The following GPC6 variants were observed in gnomAD, a reference collection of about 807,000 sequenced individuals.
The protein encoded by GPC6 is glypican 6, also known as glypican-6.
A neutral mutation model predicts 55.2 loss-of-function variants in GPC6; 14 were observed. The ratio of observed to expected loss-of-function variants is 0.25; its 90% CI spans 0.17 to 0.40. GPC6 has a LOEUF of 0.40. Ranked by LOEUF, GPC6 falls within the 10% of genes least tolerant of loss-of-function variation. The pLI is 1.00. For missense variants in GPC6, 641 were observed against 708.5 expected, an observed-to-expected ratio of 0.90 and a Z score of 1.08; for synonymous variants, 278 against 259.6, an observed-to-expected ratio of 1.07 and a Z score of -0.68.
chr13:94,120,773 A>G (rs1047763674), intron 4 of GPC6, among the ~76,000 whole-genome samples: 7 of 152,078 alleles, frequency 4.6e-5, no homozygotes, highest in Non-Finnish European at 8.8e-5. Flanking sequence ...AGATGTGGGG[A>G]AAGGTGTAGG....
intron 2 of GPC6, among the ~76,000 whole-genome samples, chr13:93,821,141 C>T (rs894392256): frequency 1.3e-5 from 2 of 152,112 alleles, no homozygotes; most frequent in African/African-American, 4.8e-5. Context: ...ATATTAAATA[C>T]TTTTGTCATT....
chr13:93,323,537 C>T (rs896633328), intron 1 of GPC6, among the ~76,000 whole-genome samples: 1 of 152,154 alleles, frequency 6.6e-6, no homozygotes, highest in Admixed American at 6.6e-5. Flanking sequence ...CTTCCAAGCC[C>T]AGATCCCATT....
chr13:93,429,906 G>T (rs1046308791), intron 1 of GPC6, among the ~76,000 whole-genome samples: 2 of 152,068 alleles, frequency 1.3e-5, no homozygotes, highest in Non-Finnish European at 2.9e-5. Flanking sequence ...GGAAACAGTT[G>T]CCTGAGAGTC....
intron 4 of GPC6, among the ~76,000 whole-genome samples, chr13:94,242,947 T>TA (rs563351952): frequency 1.7e-3 from 235 of 139,170 alleles, no homozygotes; most frequent in Middle Eastern, 3.7e-3. Flanking sequence ...TAACTAAATC[T>TA]AAAAAAAAAA....
chr13:94,378,301 ATTTT>A (rs975423343), intron 6 of GPC6, among the ~76,000 whole-genome samples: 1 of 152,058 alleles, frequency 6.6e-6, no homozygotes, highest in Admixed American at 6.6e-5. Flanking sequence ...CTGTAAACTG[ATTTT>A]TTTAAGTCAG....
At chr13:93,737,602 G>A (rs776173873) in intron 2 of GPC6, among the ~76,000 whole-genome samples, 8 of 151,958 alleles carry the variant, frequency 5.3e-5, no homozygotes, top group Admixed American at 3.9e-4. Context: ...TGAGAGACTC[G>A]GGAAAGCTTT....
intron 4 of GPC6, among the ~76,000 whole-genome samples, chr13:94,141,124 C>T (rs1887360596): frequency 6.6e-6 from 1 of 152,014 alleles, no homozygotes; most frequent in Admixed American, 6.6e-5. Flanking sequence ...GGGTGAGTTA[C>T]AGTTTGGTTT....
At chr13:94,111,915 C>A (rs1886264394) in intron 4 of GPC6, among the ~76,000 whole-genome samples, 1 of 152,136 alleles carries the variant, frequency 6.6e-6, no homozygotes, top group Non-Finnish European at 1.5e-5. Flanking sequence ...CTCTCTCACT[C>A]ATACTCATAT....
intron 1 of GPC6, among the ~76,000 whole-genome samples, chr13:93,459,375 C>A (rs1235364705): frequency 6.6e-6 from 1 of 152,164 alleles, no homozygotes; most frequent in Admixed American, 6.5e-5. Flanking sequence ...CTAAAATAAT[C>A]CTTTTTAAGG....
intron 6 of GPC6, among the ~76,000 whole-genome samples, chr13:94,371,216 TATCA>T (rs1879527925): frequency 1.3e-5 from 2 of 152,124 alleles, no homozygotes; most frequent in Admixed American, 6.5e-5. Context: ...CTGATTGAAA[TATCA>T]ATCTCTAGAT....
chr13:94,234,868 A>T (rs1401713424), intron 4 of GPC6, among the ~76,000 whole-genome samples: 2 of 152,166 alleles, frequency 1.3e-5, no homozygotes, highest in African/African-American at 4.8e-5. Context: ...TCACAAAAAG[A>T]CAAATACTGC....
At chr13:94,336,824 C>G (rs1333240449) in intron 6 of GPC6, among the ~76,000 whole-genome samples, 1 of 152,106 alleles carries the variant, frequency 6.6e-6, no homozygotes, top group Non-Finnish European at 1.5e-5. Context: ...AGACTTATCA[C>G]TCACACTATT....
At chr13:93,940,581 T>G (rs1004528041) in intron 3 of GPC6, among the ~76,000 whole-genome samples, 1 of 152,112 alleles carries the variant, frequency 6.6e-6, no homozygotes, top group African/African-American at 2.4e-5. Context: ...GAAGGAACTG[T>G]TATAGATTTA....
intron 4 of GPC6, among the ~76,000 whole-genome samples, chr13:94,080,519 TA>T (rs1411613361): frequency 6.6e-6 from 1 of 152,198 alleles, no homozygotes; most frequent in Non-Finnish European, 1.5e-5. Context: ...ATCAGGTTAA[TA>T]TTTTTTTTCA....
intron 2 of GPC6, among the ~76,000 whole-genome samples, chr13:93,684,278 T>G (rs954356342): frequency 6.6e-6 from 1 of 152,078 alleles, no homozygotes; most frequent in African/African-American, 2.4e-5. Flanking sequence ...CTGCGCCTCC[T>G]GGGTTCAAGA....
intron 2 of GPC6, among the ~76,000 whole-genome samples, chr13:93,582,830 C>T (rs1263517118): frequency 1.3e-5 from 2 of 152,154 alleles, no homozygotes; most frequent in Non-Finnish European, 2.9e-5. Flanking sequence ...CGAAGTGAAA[C>T]CTGTCGTTAA....
At chr13:94,140,864 A>G (rs1232296746) in intron 4 of GPC6, among the ~76,000 whole-genome samples, 4 of 152,150 alleles carry the variant, frequency 2.6e-5, no homozygotes, top group African/African-American at 9.7e-5. Flanking sequence ...GCACATTGTC[A>G]AGGGAAAGGA....
chr13:94,323,279 A>G (rs1368828992), intron 6 of GPC6, among the ~76,000 whole-genome samples: 1 of 152,192 alleles, frequency 6.6e-6, no homozygotes, highest in Admixed American at 6.5e-5. Flanking sequence ...CAAAATCCTG[A>G]CTATGTGATT....
chr13:93,467,523 T>C (rs920068367), intron 1 of GPC6, among the ~76,000 whole-genome samples: 122 of 151,596 alleles, frequency 8.0e-4, no homozygotes, highest in African/African-American at 2.9e-3. Flanking sequence ...GGATTGCTCC[T>C]GATAATTCTG....
Sources: gnomAD v4.1 joint callset for allele counts (sites outside exome capture counted in the v4.1 genomes callset) on GRCh38, gnomAD v4.1.1 for gene constraint, MANE v1.5 for transcripts, NCBI Gene and HGNC (gene_info 2026-07-23, HGNC 2026-07-21) for gene names.